GABRB3: variants seen among roughly 807,000 people sequenced by gnomAD.
GABRB3 encodes the protein gamma-aminobutyric acid type A receptor subunit beta3, also known as gamma-aminobutyric acid receptor subunit beta-3.
In GABRB3, 14 loss-of-function variants were observed where a neutral mutation model predicts 52.1. The ratio of observed to expected loss-of-function variants is 0.27; its 90% CI spans 0.18 to 0.42. The LOEUF is 0.42. Ranked by LOEUF, GABRB3 falls within the 10% of genes least tolerant of loss-of-function variation. The probability of loss-of-function intolerance (pLI) is 1.00; values close to 1 mark genes in which losing one functional copy is unlikely to be tolerated. For synonymous variants in GABRB3, 260 were observed against 232.3 expected, an observed-to-expected ratio of 1.12 and a Z score of -1.08; for missense variants, 307 against 609.1, an observed-to-expected ratio of 0.50 and a Z score of 5.22.
At position 26,719,735 on chromosome 15, in the gene GABRB3, G is replaced by C. The variant is rs142759960; in HGVS notation, c.240+52667C>G. On this transcript the variant is annotated intron_variant, in intron 3 of 8. Transcript: ENST00000311550. ...AGCTATGCTAAGAATGGTCAGCTCT[G>C]AATATTAACTTCACAAGCCAGTTGA... is the stretch of plus-strand genomic sequence containing the variant. Among the ~76,000 whole-genome samples the C allele has an allele frequency of 3.2e-3, 492 of 152,296 alleles. 5 individuals carry two copies. Among genetic ancestry groups the C allele is most frequent in the African/African-American group, 0.011 (450 of 41,572 alleles).
intron 3 of GABRB3, among the ~76,000 whole-genome samples, chr15:26,690,710 C>G (rs921166937): frequency 6.6e-6 from 1 of 151,810 alleles, no homozygotes; most frequent in Non-Finnish European, 1.5e-5. Flanking sequence ...CCAGCACAGT[C>G]GTCCATCCAG....
intron 4 of GABRB3, among the ~76,000 whole-genome samples, chr15:26,587,676 G>C (rs926451947): frequency 7.2e-5 from 11 of 152,086 alleles, no homozygotes; most frequent in African/African-American, 2.7e-4. Flanking sequence ...GTTACAGAAG[G>C]GTTGAGGAAT....
chr15:26,720,142 C>T (rs1889604875), intron 3 of GABRB3, among the ~76,000 whole-genome samples: 1 of 151,888 alleles, frequency 6.6e-6, no homozygotes, highest in Non-Finnish European at 1.5e-5. Flanking sequence ...TCATGACCCC[C>T]ACTCCTGCCC....
chr15:26,642,369 G>T, intron 3 of GABRB3: 2 of 653,598 alleles, frequency 3.1e-6, no homozygotes, highest in Non-Finnish European at 4.6e-6. Flanking sequence ...AGGTATGGGG[G>T]TGGTCCTGGA....
intron 4 of GABRB3, among the ~76,000 whole-genome samples, chr15:26,620,786 CTGA>C (rs35419630): frequency 0.27 from 41,143 of 151,958 alleles, 7,167 homozygotes; most frequent in East Asian, 0.79. Flanking sequence ...GCCTGGTTTC[CTGA>C]TTTGAGTGAT....
intron 3 of GABRB3, among the ~76,000 whole-genome samples, chr15:26,720,748 G>A (rs1427128918): frequency 6.6e-6 from 1 of 152,104 alleles, no homozygotes; most frequent in Non-Finnish European, 1.5e-5. Flanking sequence ...ACTTCAAAAG[G>A]GAGGAAGATT....
intron 4 of GABRB3, among the ~76,000 whole-genome samples, chr15:26,617,915 A>G (rs1484305727): frequency 2.6e-5 from 4 of 151,738 alleles, no homozygotes; most frequent in Non-Finnish European, 5.9e-5. Flanking sequence ...CCCATTCACA[A>G]TTGCTTCAAA....
chr15:26,583,322 G>C lies in GABRB3; in HGVS notation c.544+10C>G. 1.2e-6 allele frequency: 2 copies of C among 1,603,798 alleles called. No homozygotes were observed. Among genetic ancestry groups the C allele is most frequent in the Non-Finnish European group, 1.7e-6 (2 of 1,170,702 alleles). On this transcript the variant is annotated intron_variant, in intron 5 of 8. Transcript: ENST00000311550. ...TAGGAGGAGAAAGAAACACAGATAC[G>C]GATACACACAGCTTTCAATTTCCAG...
At chr15:26,611,644 C>G (rs1330593954) in intron 4 of GABRB3, among the ~76,000 whole-genome samples, 1 of 152,156 alleles carries the variant, frequency 6.6e-6, no homozygotes, top group Non-Finnish European at 1.5e-5. Context: ...AAAGTCCAAG[C>G]ATGTCTGTGT....
intron 3 of GABRB3, among the ~76,000 whole-genome samples, chr15:26,732,268 G>A (rs1438246759): frequency 2.0e-5 from 3 of 149,982 alleles, no homozygotes; most frequent in Admixed American, 2.0e-4. Flanking sequence ...ATGGATGGAT[G>A]GATGGATGAA....
intron 3 of GABRB3, among the ~76,000 whole-genome samples, chr15:26,705,272 G>A (rs983009690): frequency 1.3e-5 from 2 of 152,134 alleles, no homozygotes; most frequent in African/African-American, 4.8e-5. Context: ...TTTATCAAGC[G>A]CCTTTATAAA....
At chr15:26,773,124 G>A (rs956348540), upstream of GABRB3, 9 of 625,488 alleles carry the variant, frequency 1.4e-5, no homozygotes, top group African/African-American at 4.0e-5. Flanking sequence ...CGGGCGCTGG[G>A]AGAGGAAGGA....
intron 3 of GABRB3, among the ~76,000 whole-genome samples, chr15:26,719,633 T>C (rs1271586265): frequency 6.6e-6 from 1 of 152,206 alleles, no homozygotes; most frequent in African/African-American, 2.4e-5. Context: ...AACACATTGA[T>C]CCCTGCATTG....
In GABRB3 at chr15:26,547,591, T is replaced by C. The variant is rs1362426861; in HGVS notation, c.*202A>G. 1.6e-6 allele frequency: 1 copy of C among 608,616 alleles called. No individual in the cohort carries two copies. Among genetic ancestry groups the C allele is most frequent in the African/African-American group, 1.9e-5 (1 of 54,040 alleles). 37.7% of individuals were successfully genotyped at this position (608,616 alleles called of 1,614,324 possible). A position where few individuals can be genotyped will look rare whatever the true frequency, so the allele number is the denominator to read the frequency against. ...ACACATGGGCACTGACTCCTGTGTGTATAAACATATACACATACATCCTCA... is the reference window on the plus strand; with the variant it reads ...ACACATGGGCACTGACTCCTGTGTGCATAAACATATACACATACATCCTCA... On this transcript the variant is annotated 3_prime_UTR_variant, in exon 9 of 9. Transcript: ENST00000311550.
At chr15:26,615,682 G>C (rs1331966591) in intron 4 of GABRB3, 1 of 926,248 alleles carries the variant, frequency 1.1e-6, no homozygotes, top group African/African-American at 1.7e-5. Flanking sequence ...TCTTCATCTA[G>C]CCTAGATAAA....
At chr15:26,769,711 A>T (rs191141728) in intron 3 of GABRB3, among the ~76,000 whole-genome samples, 1 of 152,138 alleles carries the variant, frequency 6.6e-6, no homozygotes, top group Non-Finnish European at 1.5e-5. Context: ...TTATTTCATG[A>T]AAGTTTCCAC....
At chr15:26,769,112 A>G (rs1169393695) in intron 3 of GABRB3, among the ~76,000 whole-genome samples, 1 of 152,230 alleles carries the variant, frequency 6.6e-6, no homozygotes, top group Non-Finnish European at 1.5e-5. Context: ...CAACAACAGC[A>G]TCATTGTTGT....
intron 3 of GABRB3, among the ~76,000 whole-genome samples, chr15:26,712,759 C>A (rs1400232696): frequency 6.6e-6 from 1 of 152,058 alleles, no homozygotes; most frequent in African/African-American, 2.4e-5. Flanking sequence ...TGCCCACGGC[C>A]ACCTCGGGAA....
At chr15:26,641,952 C>T (rs11638494) in intron 3 of GABRB3, among the ~76,000 whole-genome samples, 4 of 151,428 alleles carry the variant, frequency 2.6e-5, no homozygotes, top group Non-Finnish European at 5.9e-5. Context: ...TGCAGTGACT[C>T]GATCATAGCT....
Sources: allele counts gnomAD v4.1 joint callset (sites outside exome capture counted in the v4.1 genomes callset), GRCh38; gene constraint gnomAD v4.1.1; transcripts MANE v1.5; gene names NCBI Gene and HGNC (gene_info 2026-07-23, HGNC 2026-07-21).